Variants in STXBP5L observed in about 807,000 individuals in gnomAD.
The protein encoded by STXBP5L is syntaxin binding protein 5L.
In STXBP5L, 65 loss-of-function variants were observed where a neutral mutation model predicts 144.5. The observed-to-expected ratio is 0.45, with a 90% CI of 0.37 to 0.55. STXBP5L has a LOEUF of 0.55. STXBP5L is among the 20% of genes least tolerant of loss of function. The pLI is 0.00. For synonymous variants in STXBP5L, 505 were observed against 469.6 expected (o/e 1.08, Z -0.97); for missense variants, 1,298 against 1,405.5 (o/e 0.92, Z 1.22).
chr3:121,028,822 C>G (rs1946153569), intron 3 of STXBP5L, among the ~76,000 whole-genome samples: 1 of 151,954 alleles, frequency 6.6e-6, no homozygotes, highest in South Asian at 2.1e-4. Context: ...GTTTTTGTAC[C>G]ACTTAATTCC....
intron 5 of STXBP5L, among the ~76,000 whole-genome samples, chr3:121,097,815 C>T (rs909957679): frequency 6.6e-6 from 1 of 152,126 alleles, no homozygotes; most frequent in African/African-American, 2.4e-5. Context: ...TGTTGCATAT[C>T]AAATGGAACT....
chr3:121,006,427 A>G (rs147306878), intron 3 of STXBP5L, among the ~76,000 whole-genome samples: 1,931 of 151,558 alleles, frequency 0.013, 17 homozygotes, highest in Non-Finnish European at 0.02. Context: ...CCATCCCTTT[A>G]TTTTGAGCCT....
chr3:121,252,444 G>C (rs765201821), intron 15 of STXBP5L, among the ~76,000 whole-genome samples: 8 of 152,032 alleles, frequency 5.3e-5, no homozygotes, highest in African/African-American at 1.9e-4. Context: ...AATTATTAGA[G>C]TGAATAACAC....
chr3:121,312,442 C>G (rs1266703447), intron 19 of STXBP5L, among the ~76,000 whole-genome samples: 1 of 31,460 alleles, frequency 3.2e-5, no homozygotes, highest in Non-Finnish European at 5.9e-5. Context: ...TAAGGTATGT[C>G]AATCTTTTTT....
At chr3:121,022,242 C>T (rs913247509) in intron 3 of STXBP5L, among the ~76,000 whole-genome samples, 4 of 151,968 alleles carry the variant, frequency 2.6e-5, no homozygotes, top group Non-Finnish European at 5.9e-5. Flanking sequence ...TCTAAACAGA[C>T]TCTAAATAGT....
intron 20 of STXBP5L, among the ~76,000 whole-genome samples, chr3:121,361,567 A>G (rs796750990): frequency 6.6e-5 from 10 of 151,938 alleles, no homozygotes; most frequent in African/African-American, 1.9e-4. Flanking sequence ...GATCAATTCT[A>G]TGTAAACACT....
chr3:121,418,706 TC>T (rs1488349706), intron 26 of STXBP5L, 149 bp downstream of exon 26: 7 of 822,164 alleles, frequency 8.5e-6, no homozygotes, highest in Non-Finnish European at 1.3e-5. Flanking sequence ...ATTATAATTC[TC>T]CCAGTGCTTG....
At chr3:121,320,277 AT>A (rs1279480624) in intron 20 of STXBP5L, among the ~76,000 whole-genome samples, 1 of 151,732 alleles carries the variant, frequency 6.6e-6, no homozygotes, top group Non-Finnish European at 1.5e-5. Flanking sequence ...TTATTGTGTT[AT>A]TTTTATGTCT....
chr3:121,014,158 T>TC (rs1178201166), intron 3 of STXBP5L, among the ~76,000 whole-genome samples: 1 of 152,064 alleles, frequency 6.6e-6, no homozygotes. Context: ...AATTTTTTTT[T>TC]CTAATTCCAT....
intron 5 of STXBP5L, among the ~76,000 whole-genome samples, chr3:121,076,884 G>A (rs2042040604): frequency 6.6e-6 from 1 of 152,116 alleles, no homozygotes; most frequent in African/African-American, 2.4e-5. Context: ...TCCTATTACA[G>A]GAGGTTTTGA....
chr3:121,295,223 A>C (rs1293271195), intron 19 of STXBP5L, among the ~76,000 whole-genome samples: 1 of 152,128 alleles, frequency 6.6e-6, no homozygotes, highest in Admixed American at 6.6e-5. Context: ...TTCTTAAGGA[A>C]GTGAGAAGGA....
intron 7 of STXBP5L, among the ~76,000 whole-genome samples, chr3:121,144,322 A>G (rs370366059): frequency 3.3e-5 from 5 of 151,786 alleles, no homozygotes; most frequent in East Asian, 3.8e-4. Flanking sequence ...TAGATTTTAT[A>G]TAAGTCCTAA....
intron 5 of STXBP5L, among the ~76,000 whole-genome samples, chr3:121,066,112 C>T (rs557172021): frequency 1.3e-5 from 2 of 152,234 alleles, no homozygotes; most frequent in South Asian, 2.1e-4. Context: ...TCACAGGTCC[C>T]GTGCACACTC....
intron 7 of STXBP5L, among the ~76,000 whole-genome samples, chr3:121,124,224 AAC>A (rs2044603534): frequency 6.6e-6 from 1 of 151,912 alleles, no homozygotes. Context: ...TAATTATAAT[AAC>A]TTACAAAATG....
At chr3:121,086,589 C>T (rs1319368493) in intron 5 of STXBP5L, among the ~76,000 whole-genome samples, 1 of 152,022 alleles carries the variant, frequency 6.6e-6, no homozygotes, top group Non-Finnish European at 1.5e-5. Context: ...CATTCCTTAT[C>T]CAAAATGTTT....
Position 121,012,089 on chromosome 3 carries a change from G to T in STXBP5L, c.288-29611G>T, listed in dbSNP as rs1944816328. Among the ~76,000 whole-genome samples, 3 of 151,716 alleles carry T rather than the reference G, an allele frequency of 2.0e-5. No homozygotes were observed. In the South Asian group the frequency reaches 6.2e-4, roughly 32 times the overall value. ...ATGCCATATGTAGTCTTTTGTGACT[G>T]ACTTATTTCATTTAATATAATGTTT... On this transcript the variant is annotated intron_variant, in intron 3 of 26. Transcript: ENST00000471454.
chr3:121,307,058 G>A (rs2043361024), intron 19 of STXBP5L, among the ~76,000 whole-genome samples: 1 of 152,126 alleles, frequency 6.6e-6, no homozygotes, highest in Non-Finnish European at 1.5e-5. Flanking sequence ...TATATACACT[G>A]AATACTGTGC....
intron 12 of STXBP5L, among the ~76,000 whole-genome samples, chr3:121,235,871 C>G (rs1335279436): frequency 1.3e-5 from 2 of 151,446 alleles, no homozygotes; most frequent in Non-Finnish European, 3.0e-5. Flanking sequence ...ACACTATATT[C>G]TCTGGAGATT....
At chr3:121,366,784 C>T (rs2045875105) in intron 20 of STXBP5L, among the ~76,000 whole-genome samples, 1 of 151,746 alleles carries the variant, frequency 6.6e-6, no homozygotes, top group Non-Finnish European at 1.5e-5. Context: ...TTTATGATTT[C>T]TCTTCTATAG....
Sources: gnomAD v4.1 joint callset for allele counts (sites outside exome capture counted in the v4.1 genomes callset) on GRCh38, gnomAD v4.1.1 for gene constraint, MANE v1.5 for transcripts, NCBI Gene and HGNC (gene_info 2026-07-23, HGNC 2026-07-21) for gene names.